KDM7A: variants seen among roughly 807,000 people sequenced by gnomAD.
KDM7A encodes lysine-specific demethylase 7A.
Under a neutral mutation model 114.8 loss-of-function variants are expected in KDM7A, and 28 were observed. The ratio of observed to expected loss-of-function variants is 0.24; its 90% confidence interval spans 0.18 to 0.33. The LOEUF is 0.33. Among genes scored for constraint, KDM7A ranks in the 10% least tolerant of loss-of-function variants. The pLI is 1.00. For synonymous variants in KDM7A, 423 were observed against 397.8 expected, an observed-to-expected ratio of 1.06 and a Z score of -0.75; for missense variants, 942 against 1,142.5, an observed-to-expected ratio of 0.82 and a Z score of 2.53.
At chr7:140,121,472 C>A (rs1818616988) in intron 7 of KDM7A, among the ~76,000 whole-genome samples, 1 of 152,202 alleles carries the variant, frequency 6.6e-6, no homozygotes, top group Non-Finnish European at 1.5e-5. Flanking sequence ...CTCAAAGGCA[C>A]AAAGCCTTGA....
chr7:140,110,451 A>G (rs544779079), intron 11 of KDM7A, among the ~76,000 whole-genome samples: 5 of 152,256 alleles, frequency 3.3e-5, no homozygotes, highest in Admixed American at 1.3e-4. Context: ...ACCTCTTTCC[A>G]TTCTCCAAAC....
chr7:140,129,574 T>A lies in KDM7A; in HGVS notation c.478A>T (p.Ile160Phe). The A allele has an allele frequency of 6.2e-7, 1 of 1,611,292 alleles. No individual in the cohort carries two copies. Among genetic ancestry groups the A allele is most frequent in the Non-Finnish European group, 8.5e-7 (1 of 1,177,490 alleles). ...AGATCATCTAATTTTGGGACCATAA[T>A]AGGGACATCAAATCCATGTTTCTCC... ...YLEKHGFDVP[I>F]MVPKLDDLGL... The change falls in exon 4 of 20, where the codon ATT becomes TTT. Residue 160 changes from isoleucine (I) to phenylalanine (F), a missense_variant. Around this residue, in one of 4 missense-constraint regions of KDM7A, gnomAD observed 318 missense variants for 453.1 expected, o/e 0.70. Transcript: ENST00000397560.
Position 140,126,764 on chromosome 7 carries a change from T to C in KDM7A, c.761A>G (p.Tyr254Cys). 1 of 1,614,060 alleles carries C rather than the reference T, an allele frequency of 6.2e-7. No individual in the cohort carries two copies. The highest frequency in any genetic ancestry group is 8.5e-7 in the Non-Finnish European group (1 of 1,179,948). Residue 254 changes from tyrosine to cysteine, a missense_variant, in exon 6 of 20, where the codon TAT (tyrosine) becomes TGT (cysteine). By Grantham distance (194) the Tyr-to-Cys change is radical. Coordinates refer to ENST00000397560, the MANE Select transcript of KDM7A (RefSeq NM_030647.2). ...GGGAAAGACTGAATCATCTGGCCAA[T>C]AATTTTCCACCCAGGAAAGTTTTTT... ...IAKKLSWVEN[Y>C]WPDDSVFPKP...
intron 1 of KDM7A, among the ~76,000 whole-genome samples, chr7:140,157,298 G>A (rs899745876): frequency 6.6e-6 from 1 of 152,226 alleles, no homozygotes; most frequent in African/African-American, 2.4e-5. Context: ...GGTAGCCTCA[G>A]CTTTACGCTG....
At chr7:140,105,787 G>A (rs1301791983) in intron 11 of KDM7A, among the ~76,000 whole-genome samples, 3 of 152,212 alleles carry the variant, frequency 2.0e-5, no homozygotes, top group Admixed American at 1.3e-4. Flanking sequence ...TTGCTATCAG[G>A]ATGATGCTGG....
At chr7:140,137,213 G>A (rs1397386639) in intron 2 of KDM7A, among the ~76,000 whole-genome samples, 7 of 152,150 alleles carry the variant, frequency 4.6e-5, no homozygotes. Context: ...GTTCTTCAGG[G>A]ATGAGAAGCA....
At chr7:140,132,631 G>C (rs1429670237) in intron 3 of KDM7A, among the ~76,000 whole-genome samples, 2 of 152,136 alleles carry the variant, frequency 1.3e-5, no homozygotes, top group Non-Finnish European at 2.9e-5. Context: ...TTTGCGAATA[G>C]GGTATTTAAC....
Position 140,097,559 on chromosome 7 carries a change from C to A in KDM7A, c.2002G>T (p.Glu668Ter). The change falls in exon 15 of 20, where the codon GAG (glutamate) becomes TAG (stop). Residue 668 changes from glutamate (E) to a stop codon, truncating the protein, a stop_gained. Coordinates refer to ENST00000397560, the MANE Select transcript of KDM7A (RefSeq NM_030647.2). LOFTEE classifies it high-confidence loss of function. Reference sequence around the variant, plus strand: ...CTCAGGCGTACCAGTGCAGTGCACTCGGGTCCGGAGTCTTCTGACTCAGAA... The same window carrying A: ...CTCAGGCGTACCAGTGCAGTGCACTAGGGTCCGGAGTCTTCTGACTCAGAA... ...DISESEDSGP[E>*]CTALKSIFTT... is the part of the protein sequence containing the mutation. The A allele has an allele frequency of 6.3e-7, 1 of 1,588,918 alleles. No homozygotes were observed. Among genetic ancestry groups the A allele is most frequent in the South Asian group, 1.1e-5 (1 of 90,426 alleles).
At chr7:140,124,206 T>G (rs1261324709) in intron 7 of KDM7A, among the ~76,000 whole-genome samples, 2 of 152,116 alleles carry the variant, frequency 1.3e-5, no homozygotes, top group African/African-American at 4.8e-5. Context: ...CATTCGTGGT[T>G]GCCAGGGGCT....
At chr7:140,140,742 CAAAA>C (rs56713880) in intron 1 of KDM7A, among the ~76,000 whole-genome samples, 5 of 116,082 alleles carry the variant, frequency 4.3e-5, no homozygotes, top group African/African-American at 9.4e-5. Context: ...GACTTCATCT[CAAAA>C]AAAAAAAAAA....
chr7:140,119,235 G>T lies in KDM7A; in HGVS notation c.1140-16C>A, dbSNP rs760929938. ...CTCATAACACCTAAATGAGTTTGAA[G>T]AAATTTTTAATATTAATATTAGAAT... On this transcript the variant is annotated splice_polypyrimidine_tract_variant and intron_variant, in intron 8 of 19. Transcript: ENST00000397560. 2.2e-6 allele frequency: 3 copies of T among 1,375,968 alleles called. No individual in the cohort carries two copies. Among genetic ancestry groups the T allele is most frequent in the Non-Finnish European group, 3.0e-6 (3 of 997,092 alleles). The allele number at this position is 1,375,968 out of a possible 1,614,324, so 85.2% of individuals were successfully genotyped here.
chr7:140,095,090 C>T (rs58678393), intron 17 of KDM7A, among the ~76,000 whole-genome samples: 410 of 152,312 alleles, frequency 2.7e-3, no homozygotes, highest in African/African-American at 7.8e-3. Context: ...TCAGGTGATC[C>T]GCCCACCTCG....
chr7:140,159,959 A>AC (rs1349509270), intron 1 of KDM7A, among the ~76,000 whole-genome samples: 6 of 151,806 alleles, frequency 4.0e-5, no homozygotes, highest in South Asian at 2.1e-4. Flanking sequence ...AAAAAAAAAA[A>AC]AAAAAACCTG....
intron 11 of KDM7A, among the ~76,000 whole-genome samples, chr7:140,103,236 G>A (rs553248452): frequency 6.6e-6 from 1 of 151,988 alleles, no homozygotes; most frequent in African/African-American, 2.4e-5. Context: ...TTGTCCTTTG[G>A]TGACTGGCTT....
Position 140,112,988 on chromosome 7 carries a change from C to T in KDM7A, c.1338+503G>A, listed in dbSNP as rs148048730. Among the ~76,000 whole-genome samples, 9 of 152,298 alleles carry T rather than the reference C, an allele frequency of 5.9e-5. No homozygotes were observed. The East Asian group carries it at 1.7e-3, about 29-fold the overall frequency. ...TTACATAAATCTAGCAGAGTGGTAA[C>T]GAGCATAGGCTTTGCAGTCCCAGAG... On this transcript the variant is annotated intron_variant, in intron 10 of 19. Transcript: ENST00000397560.
chr7:140,163,437 AC>A (rs1375307109), intron 1 of KDM7A, among the ~76,000 whole-genome samples: 2 of 152,092 alleles, frequency 1.3e-5, no homozygotes, highest in East Asian at 3.9e-4. Context: ...GGCACATGCC[AC>A]CACACCCAGC....
chr7:140,140,465 AC>A (rs1297722358), intron 1 of KDM7A, among the ~76,000 whole-genome samples: 1 of 152,160 alleles, frequency 6.6e-6, no homozygotes, highest in Admixed American at 6.5e-5. Context: ...ATAACATGAA[AC>A]CAGTCACTCT....
chr7:140,088,329 C>A lies in KDM7A; in HGVS notation c.*2765G>T. 1 of 391,720 alleles carries A rather than the reference C, an allele frequency of 2.6e-6. No individual in the cohort carries two copies. Among genetic ancestry groups the A allele is most frequent in the Non-Finnish European group, 4.5e-6 (1 of 221,892 alleles). The allele number at this position is 391,720 out of a possible 1,614,324, so 24.3% of individuals were successfully genotyped here. A position where few individuals can be genotyped will look rare whatever the true frequency, so the allele number is the denominator to read the frequency against. On this transcript the variant is annotated 3_prime_UTR_variant, in exon 20 of 20. Transcript: ENST00000397560. Reference sequence around the variant, plus strand: ...TAAATTATAATCCAATGGATCCCAGCTGAACAGTCACTTATTTGAAACAAT... The same window carrying A: ...TAAATTATAATCCAATGGATCCCAGATGAACAGTCACTTATTTGAAACAAT...
chr7:140,138,999 G>A, intron 2 of KDM7A, 106 bp downstream of exon 2: 3 of 712,932 alleles, frequency 4.2e-6, no homozygotes, highest in East Asian at 2.6e-5. Context: ...CTTGAAGGGT[G>A]TAATATAACT....
Sources: gnomAD v4.1 joint callset for allele counts (sites outside exome capture counted in the v4.1 genomes callset) on GRCh38, gnomAD v4.1.1 for gene constraint, gnomAD v4.1.1 regional missense constraint, MANE v1.5 for transcripts, NCBI Gene and HGNC (gene_info 2026-07-23, HGNC 2026-07-21) for gene names.